KAZN: variants seen among roughly 807,000 people sequenced by gnomAD.
KAZN encodes kazrin.
Under a neutral mutation model 87.4 loss-of-function variants are expected in KAZN, and 40 were observed. The observed-to-expected ratio is 0.46, with a 90% CI of 0.36 to 0.60. KAZN has a LOEUF of 0.60. KAZN is among the 20% of genes least tolerant of loss of function. The pLI, the probability that KAZN is intolerant of heterozygous loss-of-function variation, is 0.00. For missense variants in KAZN, 898 were observed against 1,073.9 expected (o/e 0.84, Z 2.29); for synonymous variants, 466 against 458.3 (o/e 1.02, Z -0.22).
At chr1:14,558,761 T>C (rs907734677) in intron 2 of KAZN, among the ~76,000 whole-genome samples, 1 of 152,204 alleles carries the variant, frequency 6.6e-6, no homozygotes, top group Non-Finnish European at 1.5e-5. Flanking sequence ...GTCTGTATTC[T>C]ATCATCTAGC....
At position 14,436,734 on chromosome 1, in the gene KAZN, A is replaced by AAACAAAATC. The variant is rs1553172283; in HGVS notation, c.250-162247_250-162246insCAAAATCAA. ...CTCTGTCTCAAAAAAAAAAAAAAAAAAAAACCTTAAAACAATCCTGAGAGG... is the reference window on the plus strand; with the variant it reads ...CTCTGTCTCAAAAAAAAAAAAAAAAAAACAAAATCAAAACCTTAAAACAATCCTGAGAGG... On this transcript the variant is annotated intron_variant, in intron 2 of 16. Transcript: ENST00000636203. 3.4e-4 allele frequency among the ~76,000 whole-genome samples: 47 copies of AAACAAAATC among 137,406 alleles called. 1 individual carries two copies. The highest frequency in any genetic ancestry group is 2.0e-4 in the Non-Finnish European group (13 of 64,924). 90.1% of individuals were successfully genotyped at this position (137,406 alleles called of 152,430 possible). A position where few individuals can be genotyped will look rare whatever the true frequency, so the allele number is the denominator to read the frequency against.
chr1:14,370,717 T>A (rs1389145843), intron 2 of KAZN, among the ~76,000 whole-genome samples: 1 of 152,216 alleles, frequency 6.6e-6, no homozygotes, highest in African/African-American at 2.4e-5. Flanking sequence ...TTTGAGACAC[T>A]GTCTCACTTT....
At chr1:13,909,185 G>A (rs1380304511) in intron 1 of KAZN, among the ~76,000 whole-genome samples, 1 of 152,116 alleles carries the variant, frequency 6.6e-6, no homozygotes, top group African/African-American at 2.4e-5. Flanking sequence ...TGGGATTGGT[G>A]GACACACCAG....
At chr1:14,215,669 G>T (rs1646943375) in intron 2 of KAZN, among the ~76,000 whole-genome samples, 1 of 152,160 alleles carries the variant, frequency 6.6e-6, no homozygotes, top group Non-Finnish European at 1.5e-5. Flanking sequence ...AGGTACTGTT[G>T]TCTTTGCTTT....
At chr1:14,537,478 G>A (rs1305322912) in intron 2 of KAZN, among the ~76,000 whole-genome samples, 2 of 152,166 alleles carry the variant, frequency 1.3e-5, no homozygotes, top group Admixed American at 6.5e-5. Flanking sequence ...ATCTTGGACA[G>A]CACAGACTTA....
intron 1 of KAZN, among the ~76,000 whole-genome samples, chr1:14,121,144 T>G (rs1644742801): frequency 6.6e-6 from 1 of 152,188 alleles, no homozygotes; most frequent in African/African-American, 2.4e-5. Flanking sequence ...TATTTGAGTT[T>G]GCTCACCCAT....
chr1:14,299,726 A>C (rs1654398091), intron 2 of KAZN, among the ~76,000 whole-genome samples: 1 of 152,112 alleles, frequency 6.6e-6, no homozygotes, highest in Non-Finnish European at 1.5e-5. Flanking sequence ...TGTTCTTCTC[A>C]AGGAGATTAG....
At chr1:14,002,206 T>C (rs943526944) in intron 1 of KAZN, among the ~76,000 whole-genome samples, 2 of 152,196 alleles carry the variant, frequency 1.3e-5, no homozygotes, top group African/African-American at 4.8e-5. Flanking sequence ...GAACAGACCG[T>C]TCTCAAAAGA....
At chr1:14,885,367 C>A (rs2101125158) in intron 1 of KAZN, among the ~76,000 whole-genome samples, 1 of 152,274 alleles carries the variant, frequency 6.6e-6, no homozygotes, top group South Asian at 2.1e-4. Flanking sequence ...ATCCTTCCCC[C>A]TTCTCTCCAC....
chr1:14,324,817 C>T (rs1656293993), intron 2 of KAZN, among the ~76,000 whole-genome samples: 1 of 152,158 alleles, frequency 6.6e-6, no homozygotes, highest in Admixed American at 6.5e-5. Context: ...AGACTTACGG[C>T]TGCAAATATA....
intron 1 of KAZN, among the ~76,000 whole-genome samples, chr1:14,110,360 T>G (rs1644474876): frequency 6.6e-6 from 1 of 152,220 alleles, no homozygotes; most frequent in Non-Finnish European, 1.5e-5. Context: ...ACATCCCACT[T>G]GCAATGCAAT....
intron 1 of KAZN, among the ~76,000 whole-genome samples, chr1:14,076,866 T>C (rs1466760881): frequency 6.6e-6 from 1 of 152,188 alleles, no homozygotes; most frequent in African/African-American, 2.4e-5. Flanking sequence ...CACTAGGTTC[T>C]GTAGAATCAG....
intron 2 of KAZN, among the ~76,000 whole-genome samples, chr1:14,444,354 C>T (rs950120093): frequency 2.8e-5 from 4 of 143,976 alleles, no homozygotes; most frequent in Non-Finnish European, 5.9e-5. Flanking sequence ...CTCTTGTCAC[C>T]CAGGCTGGAG....
chr1:14,231,844 C>T (rs1377270449), intron 2 of KAZN, among the ~76,000 whole-genome samples: 3 of 152,208 alleles, frequency 2.0e-5, no homozygotes, highest in South Asian at 4.1e-4. Flanking sequence ...TAAACAGGTG[C>T]TCCTGATCAG....
chr1:14,328,579 C>G (rs537298276), intron 2 of KAZN, among the ~76,000 whole-genome samples: 1 of 151,454 alleles, frequency 6.6e-6, no homozygotes, highest in Non-Finnish European at 1.5e-5. Flanking sequence ...GGTGAGCGCC[C>G]GTAGTCCCAG....
intron 1 of KAZN, among the ~76,000 whole-genome samples, chr1:14,058,955 G>A (rs145987766): frequency 5.9e-5 from 9 of 152,308 alleles, no homozygotes; most frequent in East Asian, 1.9e-4. Flanking sequence ...AGCAGCATAC[G>A]ATGAGGCTGG....
At chr1:14,378,680 A>C (rs1046314216) in intron 2 of KAZN, among the ~76,000 whole-genome samples, 1 of 152,216 alleles carries the variant, frequency 6.6e-6, no homozygotes, top group Admixed American at 6.5e-5. Context: ...GCCTGCCCGC[A>C]GAGGGAATAT....
rs148572861 is a variant in KAZN at position 14,977,763 on chromosome 1, T to C, written c.418+16888T>C. 4.5e-3 allele frequency among the ~76,000 whole-genome samples: 683 copies of C among 152,292 alleles called. 7 individuals carry two copies. The highest frequency in any genetic ancestry group is 0.033 in the South Asian group (160 of 4,828). On this transcript the variant is annotated intron_variant, in intron 2 of 14. Coordinates refer to ENST00000376030, the MANE Select transcript of KAZN (RefSeq NM_201628.3). The stretch of plus-strand genomic sequence containing the variant: ...GGTCCACCAGGTGGCTCTGGCCAGG[T>C]CTGCCCACGAAGCCAAGCAGTTTTC...
intron 1 of KAZN, among the ~76,000 whole-genome samples, chr1:14,170,403 G>A (rs145843077): frequency 0.016 from 2,434 of 152,070 alleles, 40 homozygotes; most frequent in South Asian, 0.038. Flanking sequence ...GTCTGGCTTT[G>A]CCCTGATCCC....
Sources: allele counts gnomAD v4.1 joint callset (sites outside exome capture counted in the v4.1 genomes callset), GRCh38; gene constraint gnomAD v4.1.1; transcripts MANE v1.5; gene names NCBI Gene and HGNC (gene_info 2026-07-23, HGNC 2026-07-21).